SYCP2: variants seen among roughly 807,000 people sequenced by gnomAD.
SYCP2 encodes synaptonemal complex protein 2, also known as synaptonemal complex lateral element protein.
In SYCP2, 55 loss-of-function variants were observed where a neutral mutation model predicts 211.3. The ratio of observed to expected loss-of-function variants is 0.26; its 90% CI spans 0.21 to 0.33. The LOEUF (loss-of-function observed/expected upper bound fraction) is 0.33. SYCP2 is among the 10% of genes least tolerant of loss of function. The pLI, the probability that SYCP2 is intolerant of heterozygous loss-of-function variation, is 1.00. For synonymous variants in SYCP2, 570 were observed against 555.2 expected (o/e 1.03, Z -0.37); for missense variants, 1,731 against 1,752.0 (o/e 0.99, Z 0.21).
intron 19 of SYCP2, 92 bp from the exon 20 acceptor site, chr20:59,895,689 A>G: frequency 7.2e-7 from 1 of 1,396,624 alleles, no homozygotes; most frequent in Non-Finnish European, 1.0e-6. Context: ...AGAAACGAAC[A>G]TTCTTAGATG....
At chr20:59,886,195 AATG>A (rs2059784504) in intron 25 of SYCP2, among the ~76,000 whole-genome samples, 2 of 152,092 alleles carry the variant, frequency 1.3e-5, no homozygotes, top group South Asian at 4.1e-4. Flanking sequence ...ATTTAAAATG[AATG>A]ATTCCACCAT....
At chr20:59,925,402 T>C (rs1242376389) in intron 2 of SYCP2, among the ~76,000 whole-genome samples, 1 of 152,058 alleles carries the variant, frequency 6.6e-6, no homozygotes, top group African/African-American at 2.4e-5. Context: ...GCATAGGATT[T>C]AACAAAAGAA....
intron 8 of SYCP2, 84 bp downstream of exon 8, chr20:59,916,402 A>T (rs1227858752): frequency 3.9e-6 from 3 of 764,014 alleles, no homozygotes; most frequent in Non-Finnish European, 6.7e-6. Flanking sequence ...TTTGTCCTAC[A>T]TGAAATAAAT....
intron 20 of SYCP2, among the ~76,000 whole-genome samples, chr20:59,894,495 A>C (rs185924299): frequency 6.6e-6 from 1 of 152,094 alleles, no homozygotes; most frequent in African/African-American, 2.4e-5. Flanking sequence ...TACCCATTTA[A>C]ATTAAAAAAA....
In SYCP2 at chr20:59,896,414, A is replaced by G; in HGVS notation, c.1504+15T>C. ...AAAATAATTGTTAGAAATCTTTTAA[A>G]ACTATAAAACTTACATGTGTTGCTG... On this transcript the variant is annotated intron_variant, in intron 19 of 44. Transcript: ENST00000357552. The G allele has an allele frequency of 1.4e-6, 2 of 1,403,774 alleles. No homozygotes were observed. Among genetic ancestry groups the G allele is most frequent in the Non-Finnish European group, 9.9e-7 (1 of 1,012,072 alleles). 87.0% of individuals were successfully genotyped at this position (1,403,774 alleles called of 1,614,324 possible).
chr20:59,907,539 A>G, intron 14 of SYCP2, 115 bp from the exon 15 acceptor site: 2 of 754,226 alleles, frequency 2.7e-6, no homozygotes, highest in Non-Finnish European at 4.4e-6. Context: ...GTCACTAAGT[A>G]ACTAGTTTAT....
At chr20:59,929,568 T>C (rs1568993499) in intron 2 of SYCP2, among the ~76,000 whole-genome samples, 1 of 152,100 alleles carries the variant, frequency 6.6e-6, no homozygotes, top group East Asian at 1.9e-4. Flanking sequence ...CTGAATATAA[T>C]GAAGAAGATC....
At position 59,878,129 on chromosome 20, in the gene SYCP2, TAAATTA is replaced by T. The variant is rs1285551335; in HGVS notation, c.2942-90_2942-85del. 4.3e-5 allele frequency: 40 copies of T among 922,336 alleles called. 1 individual carries two copies. The Middle Eastern group carries it at 1.2e-3, about 27-fold the overall frequency. The allele number at this position is 922,336 out of a possible 1,614,324, so 57.1% of individuals were successfully genotyped here. On this transcript the variant is annotated intron_variant, in intron 31 of 44. Transcript: ENST00000357552. ...TATTAGAACATCATTTCAGCATATT[TAAATTA>T]AAATAATAAAAAGTAGTAAGTTTTT...
At position 59,892,698 on chromosome 20, in the gene SYCP2, T is replaced by C; in HGVS notation, c.1797A>G (p.Leu599=). ...QAAEKRDHTI[L]PGVLDNICGN... ...CACAGATGTTGTCTAAAACACCAGG[T>C]AATCTAGAAAATAAATTAATTTGCT... The change falls in exon 23 of 45, where the codon TTA becomes TTG. Residue 599 remains leucine, a synonymous_variant. Transcript: ENST00000357552. 2 of 1,598,664 alleles carry C rather than the reference T, an allele frequency of 1.3e-6. No individual in the cohort carries two copies. Among genetic ancestry groups the C allele is most frequent in the Non-Finnish European group, 1.7e-6 (2 of 1,174,246 alleles).
chr20:59,908,616 T>A (rs2060256687), intron 14 of SYCP2, among the ~76,000 whole-genome samples: 1 of 152,194 alleles, frequency 6.6e-6, no homozygotes, highest in Non-Finnish European at 1.5e-5. Context: ...ATCAAGGCAC[T>A]TAGTTCACTT....
At chr20:59,879,078 C>T (rs886413487) in intron 31 of SYCP2, among the ~76,000 whole-genome samples, 1 of 152,072 alleles carries the variant, frequency 6.6e-6, no homozygotes, top group African/African-American at 2.4e-5. Flanking sequence ...TAATCTTCTA[C>T]TTTATGTTAT....
chr20:59,864,814 T>A (rs6092835), intron 44 of SYCP2, among the ~76,000 whole-genome samples: 1 of 152,050 alleles, frequency 6.6e-6, no homozygotes, highest in African/African-American at 2.4e-5. Context: ...ATACTGTGTA[T>A]ACAAAGATCA....
intron 26 of SYCP2, among the ~76,000 whole-genome samples, chr20:59,885,532 T>C: frequency 6.6e-6 from 1 of 152,198 alleles, no homozygotes; most frequent in East Asian, 1.9e-4. Flanking sequence ...AGAAAAAAGA[T>C]AATTTATATT....
rs766882198 is a variant in SYCP2 at position 59,868,394 on chromosome 20, A to G, written c.3988+19T>C. The G allele has an allele frequency of 5.6e-6, 9 of 1,593,520 alleles. No homozygotes were observed. The highest frequency in any genetic ancestry group is 4.1e-5 in the African/African-American group (3 of 73,366). On this transcript the variant is annotated intron_variant, in intron 38 of 44. Coordinates refer to ENST00000357552, the MANE Select transcript of SYCP2 (RefSeq NM_014258.4). ...CCTCCAAATAACTGCATTTTGATACAGGCTACTGATCTACCTACTTTTGTG... is the reference window on the plus strand; with the variant it reads ...CCTCCAAATAACTGCATTTTGATACGGGCTACTGATCTACCTACTTTTGTG...
rs2059568042 is a variant in SYCP2 at position 59,876,725 on chromosome 20, A to C, written c.3150+660T>G. Among the ~76,000 whole-genome samples, 3 of 152,112 alleles carry C rather than the reference A, an allele frequency of 2.0e-5. No individual in the cohort carries two copies. The South Asian group carries it at 6.2e-4, about 31-fold the overall frequency. ...TAGACATTAAATCTGTAAAGTGCTT[A>C]ATATAGCAGTTGACACATTGTAAGC... On this transcript the variant is annotated intron_variant, in intron 33 of 44. Coordinates refer to ENST00000357552, the MANE Select transcript of SYCP2 (RefSeq NM_014258.4).
intron 14 of SYCP2, 92 bp from the exon 15 acceptor site, chr20:59,907,516 A>G: frequency 9.6e-7 from 1 of 1,046,928 alleles, no homozygotes; most frequent in Non-Finnish European, 1.4e-6. Context: ...GGAACTATGA[A>G]TTCTTTTTGC....
chr20:59,914,146 T>C lies in SYCP2; in HGVS notation c.740A>G (p.Lys247Arg). The C allele has an allele frequency of 6.2e-7, 1 of 1,605,340 alleles. No homozygotes were observed. Among genetic ancestry groups the C allele is most frequent in the Non-Finnish European group, 8.5e-7 (1 of 1,174,358 alleles). Residue 247 changes from lysine (K) to arginine (R), a missense_variant, in exon 11 of 45, where the codon AAG (lysine) becomes AGG (arginine). By Grantham distance (26) the Lys-to-Arg change is conservative. Transcript: ENST00000357552. ...AGAGTCCTTAATTCTTTTAAATGCC[T>C]TAGCAATAAAATCCATTGAAAACCA... ...HQWFSMDFIA[K>R]AFKRIKDSEF... is the part of the protein sequence containing the mutation.
chr20:59,897,547 G>C (rs1357451791), intron 18 of SYCP2, among the ~76,000 whole-genome samples: 1 of 151,812 alleles, frequency 6.6e-6, no homozygotes, highest in East Asian at 1.9e-4. Flanking sequence ...TTTAAGGTGG[G>C]GCTAAGAATC....
At chr20:59,875,891 T>TTA (rs1312437167) in intron 33 of SYCP2, among the ~76,000 whole-genome samples, 1 of 152,024 alleles carries the variant, frequency 6.6e-6, no homozygotes, top group African/African-American at 2.4e-5. Context: ...GAGTCACAGG[T>TTA]TATACTATCT....
Sources: allele counts gnomAD v4.1 joint callset (sites outside exome capture counted in the v4.1 genomes callset), GRCh38; gene constraint gnomAD v4.1.1; transcripts MANE v1.5; gene names NCBI Gene and HGNC (gene_info 2026-07-23, HGNC 2026-07-21).